NTM: variants seen among roughly 807,000 people sequenced by gnomAD.
NTM encodes neurotrimin, also known as IgLON family member 2.
A neutral mutation model predicts 42.1 loss-of-function variants in NTM; 13 were observed. The ratio of observed to expected loss-of-function variants is 0.31; its 90% CI spans 0.20 to 0.49. The LOEUF (loss-of-function observed/expected upper bound fraction) is 0.49. NTM is among the 20% of genes least tolerant of loss of function. The pLI, the probability that NTM is intolerant of heterozygous loss-of-function variation, is 0.99. For synonymous variants in NTM, 187 were observed against 179.2 expected (o/e 1.04, Z -0.35); for missense variants, 373 against 452.8 (o/e 0.82, Z 1.60).
intron 4 of NTM, among the ~76,000 whole-genome samples, chr11:132,280,338 G>T (rs1200575596): frequency 6.6e-6 from 1 of 152,060 alleles, no homozygotes; most frequent in Non-Finnish European, 1.5e-5. Context: ...GAAAGTACAG[G>T]ACACTCCAGC....
intron 4 of NTM, among the ~76,000 whole-genome samples, chr11:132,273,319 T>TG (rs1309704255): frequency 3.5e-5 from 5 of 144,120 alleles, no homozygotes; most frequent in East Asian, 4.0e-4. Flanking sequence ...GTTTTTTTTT[T>TG]TTTTTTTTTT....
chr11:131,968,561 A>G (rs2063134442), intron 2 of NTM, among the ~76,000 whole-genome samples: 1 of 152,050 alleles, frequency 6.6e-6, no homozygotes, highest in South Asian at 2.1e-4. Flanking sequence ...CTCTTGCCTG[A>G]TCTTGAAATT....
chr11:131,706,338 C>T (rs1457328511), intron 1 of NTM, among the ~76,000 whole-genome samples: 1 of 151,748 alleles, frequency 6.6e-6, no homozygotes, highest in Non-Finnish European at 1.5e-5. Flanking sequence ...GATACATAAA[C>T]ATTAACAAAA....
At chr11:131,530,960 A>G (rs2051185105) in intron 1 of NTM, among the ~76,000 whole-genome samples, 1 of 152,212 alleles carries the variant, frequency 6.6e-6, no homozygotes, top group Admixed American at 6.5e-5. Flanking sequence ...CAGTGAGCAC[A>G]GAGATGATGG....
chr11:132,152,171 T>C (rs897828748), intron 3 of NTM, among the ~76,000 whole-genome samples: 1 of 152,246 alleles, frequency 6.6e-6, no homozygotes, highest in African/African-American at 2.4e-5. Context: ...GACCTAATCC[T>C]TACTTTGAAA....
chr11:131,760,199 G>A (rs558234626), intron 1 of NTM, among the ~76,000 whole-genome samples: 2 of 152,274 alleles, frequency 1.3e-5, no homozygotes, highest in South Asian at 2.1e-4. Context: ...AGAGGGAGAA[G>A]GTTCTATGGG....
chr11:132,293,416 G>C (rs1424638413), intron 4 of NTM, among the ~76,000 whole-genome samples: 2 of 152,186 alleles, frequency 1.3e-5, no homozygotes, highest in African/African-American at 4.8e-5. Context: ...TGAGGTGGAG[G>C]CATCTCTCCA....
chr11:132,074,286 T>G (rs2058077431), intron 2 of NTM, among the ~76,000 whole-genome samples: 1 of 152,172 alleles, frequency 6.6e-6, no homozygotes, highest in South Asian at 2.1e-4. Context: ...CTGAGTCAGT[T>G]TCTCAGGGTC....
chr11:131,593,151 T>C (rs1237939527), intron 1 of NTM, among the ~76,000 whole-genome samples: 1 of 152,140 alleles, frequency 6.6e-6, no homozygotes, highest in Non-Finnish European at 1.5e-5. Context: ...ACTCAATAGA[T>C]GAAATAGGCA....
At chr11:132,192,554 T>C (rs368842378) in intron 3 of NTM, among the ~76,000 whole-genome samples, 18 of 152,230 alleles carry the variant, frequency 1.2e-4, no homozygotes, top group African/African-American at 4.3e-4. Flanking sequence ...CTGCCATGCT[T>C]AAGTATGTAG....
chr11:131,439,618 G>A (rs1206459259), intron 1 of NTM, among the ~76,000 whole-genome samples: 1 of 152,234 alleles, frequency 6.6e-6, no homozygotes, highest in Non-Finnish European at 1.5e-5. Context: ...GCCTAGTCAT[G>A]CACGGGATAT....
intron 4 of NTM, among the ~76,000 whole-genome samples, chr11:132,273,882 G>T (rs2093607771): frequency 6.6e-6 from 1 of 152,088 alleles, no homozygotes; most frequent in Non-Finnish European, 1.5e-5. Context: ...ACTCCAGCCT[G>T]GGCAATAAGA....
intron 3 of NTM, among the ~76,000 whole-genome samples, chr11:132,179,995 T>C (rs2077334210): frequency 6.6e-6 from 1 of 152,204 alleles, no homozygotes; most frequent in African/African-American, 2.4e-5. Flanking sequence ...ATAGTAATGT[T>C]ATTTTTCATA....
At chr11:131,686,208 C>T (rs548843746) in intron 1 of NTM, among the ~76,000 whole-genome samples, 10 of 152,216 alleles carry the variant, frequency 6.6e-5, no homozygotes, top group Non-Finnish European at 1.0e-4. Context: ...TCAAATAATG[C>T]GGTGGTTGGG....
intron 2 of NTM, among the ~76,000 whole-genome samples, chr11:132,144,745 A>G (rs1180036526): frequency 2.0e-5 from 3 of 152,156 alleles, no homozygotes; most frequent in Admixed American, 2.0e-4. Context: ...ACTCATTTCC[A>G]TGCTGTATCA....
At chr11:132,180,186 A>G in intron 3 of NTM, among the ~76,000 whole-genome samples, 1 of 152,208 alleles carries the variant, frequency 6.6e-6, no homozygotes, top group Non-Finnish European at 1.5e-5. Context: ...AGTCTAATAA[A>G]TTATTACATA....
chr11:132,027,153 C>T (rs1593872356), intron 2 of NTM, among the ~76,000 whole-genome samples: 1 of 152,218 alleles, frequency 6.6e-6, no homozygotes, highest in Admixed American at 6.5e-5. Context: ...CTCTTGTCTC[C>T]ATTTCAAAAG....
intron 2 of NTM, among the ~76,000 whole-genome samples, chr11:131,932,077 T>G (rs1166866543): frequency 6.6e-6 from 1 of 152,234 alleles, no homozygotes; most frequent in Admixed American, 6.5e-5. Context: ...CAGGTTCAAT[T>G]TTATTCAGCA....
intron 2 of NTM, among the ~76,000 whole-genome samples, chr11:131,983,276 G>A (rs932493451): frequency 3.3e-5 from 5 of 151,894 alleles, no homozygotes; most frequent in African/African-American, 9.7e-5. Flanking sequence ...GAGACACAGG[G>A]TTGAGTCCAA....
Sources: allele counts gnomAD v4.1 joint callset (sites outside exome capture counted in the v4.1 genomes callset), GRCh38; gene constraint gnomAD v4.1.1; transcripts MANE v1.5; gene names NCBI Gene and HGNC (gene_info 2026-07-23, HGNC 2026-07-21).